The following LONP1 variants were observed in gnomAD, a reference collection of about 807,000 sequenced individuals.
The protein encoded by LONP1 is lon protease homolog, mitochondrial.
A neutral mutation model predicts 98.5 loss-of-function variants in LONP1; 31 were observed. The ratio of observed to expected loss-of-function variants is 0.31; its 90% CI spans 0.24 to 0.42. LONP1 has a LOEUF of 0.42. Ranked by LOEUF, LONP1 falls within the 20% of genes least tolerant of loss-of-function variation. The pLI is 1.00. For synonymous variants in LONP1, 781 were observed against 594.7 expected (o/e 1.31, Z -4.56); for missense variants, 1,336 against 1,350.6 (o/e 0.99, Z 0.17).
intron 9 of LONP1, among the ~76,000 whole-genome samples, chr19:5,700,313 A>G (rs912414020): frequency 1.3e-4 from 19 of 151,922 alleles, no homozygotes; most frequent in African/African-American, 4.4e-4. Flanking sequence ...GGGTTTCTCC[A>G]TGTTGGTCAG....
intron 7 of LONP1, among the ~76,000 whole-genome samples, chr19:5,706,705 G>A (rs1373545693): frequency 6.6e-6 from 1 of 152,112 alleles, no homozygotes; most frequent in African/African-American, 2.4e-5. Flanking sequence ...TCAATGGCTG[G>A]GTCTTAAGAA....
intron 2 of LONP1, among the ~76,000 whole-genome samples, chr19:5,713,953 C>A (rs1332958117): frequency 6.6e-6 from 1 of 152,194 alleles, no homozygotes; most frequent in Non-Finnish European, 1.5e-5. Flanking sequence ...CTAAGAGTCC[C>A]TGAAGTTAAT....
chr19:5,715,440 G>A (rs1449421131), intron 1 of LONP1, among the ~76,000 whole-genome samples: 1 of 149,892 alleles, frequency 6.7e-6, no homozygotes, highest in Non-Finnish European at 1.5e-5. Flanking sequence ...TCAGGAGATC[G>A]AGACCATCCT....
chr19:5,693,694 CTGCCATCCTTGTCACCCT>C lies in LONP1; in HGVS notation c.2378_2395del (p.Lys793_Gly798del), dbSNP rs1568310161. ...CCCCAGCTGGCCTGTCACCTCCAGG[CTGCCATCCTTGTCACCCT>C]TGGCATCCTTGTCCTGTGGCCGTCT... On this transcript the variant is annotated inframe_deletion, in exon 16 of 18. Coordinates refer to ENST00000360614, the MANE Select transcript of LONP1 (RefSeq NM_004793.4). The C allele has an allele frequency of 3.7e-6, 6 of 1,614,134 alleles. No homozygotes were observed. Among genetic ancestry groups the C allele is most frequent in the Non-Finnish European group, 4.2e-6 (5 of 1,179,996 alleles).
intron 8 of LONP1, among the ~76,000 whole-genome samples, chr19:5,703,838 C>G (rs2055100167): frequency 6.6e-6 from 1 of 152,080 alleles, no homozygotes; most frequent in Admixed American, 6.6e-5. Flanking sequence ...GAGGACAGAA[C>G]CCGCCTTACA....
chr19:5,714,394 C>A, intron 1 of LONP1, 123 bp from the exon 2 acceptor site: 1 of 665,808 alleles, frequency 1.5e-6, no homozygotes, highest in Non-Finnish European at 2.6e-6. Context: ...CCTCCACCCC[C>A]ACTGAGTTCA....
chr19:5,716,983 A>C (rs1056903779), intron 1 of LONP1, among the ~76,000 whole-genome samples: 1 of 152,048 alleles, frequency 6.6e-6, no homozygotes, highest in Non-Finnish European at 1.5e-5. Flanking sequence ...TTTAGTAGAG[A>C]CGGGGTTTCA....
Position 5,696,258 on chromosome 19 carries a change from G to A in LONP1, c.1887C>T (p.Asp629=), listed in dbSNP as rs1164412179. 1.9e-6 allele frequency: 3 copies of A among 1,613,324 alleles called. No homozygotes were observed. The highest frequency in any genetic ancestry group is 1.7e-6 in the Non-Finnish European group (2 of 1,179,870). The change falls in exon 12 of 18, where the codon GAC becomes GAT. Residue 629 remains aspartate (D), a synonymous_variant. Coordinates refer to ENST00000360614, the MANE Select transcript of LONP1 (RefSeq NM_004793.4). ...FLDHYLDVPV[D]LSKVLFICTA... is the part of the protein sequence containing the mutation. ...CAGACAGGCCCCCCACCTTGGACAA[G>A]TCCACGGGCACGTCCAGGTAGTGGT...
intron 1 of LONP1, among the ~76,000 whole-genome samples, chr19:5,716,650 A>G (rs2055329119): frequency 6.6e-6 from 1 of 151,666 alleles, no homozygotes; most frequent in Non-Finnish European, 1.5e-5. Flanking sequence ...TTGTTTAGAG[A>G]CAGAACGCTT....
intron 8 of LONP1, among the ~76,000 whole-genome samples, chr19:5,702,419 C>T (rs370427634): frequency 0.011 from 1,573 of 149,014 alleles, 16 homozygotes; most frequent in East Asian, 0.022. Flanking sequence ...TCTGCCCGGC[C>T]GCCCCTACTG....
chr19:5,709,154 A>C (rs2055196811), intron 4 of LONP1, among the ~76,000 whole-genome samples: 1 of 151,106 alleles, frequency 6.6e-6, no homozygotes, highest in Non-Finnish European at 1.5e-5. Context: ...AGCTGGGACC[A>C]CGGGCATAAG....
intron 4 of LONP1, among the ~76,000 whole-genome samples, chr19:5,711,435 G>A (rs2055235292): frequency 6.6e-6 from 1 of 152,234 alleles, no homozygotes; most frequent in South Asian, 2.1e-4. Context: ...CAGGCTTGGT[G>A]GGAAGAAGCC....
chr19:5,696,650 C>T lies in LONP1; in HGVS notation c.1773+20G>A, dbSNP rs1488883590. The T allele has an allele frequency of 2.6e-6, 4 of 1,561,056 alleles. No homozygotes were observed. Among genetic ancestry groups the T allele is most frequent in the East Asian group, 4.6e-5 (2 of 43,526 alleles). On this transcript the variant is annotated intron_variant, in intron 11 of 17. Coordinates refer to ENST00000360614, the MANE Select transcript of LONP1 (RefSeq NM_004793.4). ...ACGGCATTGCCGGGTTAGGGGGTCTCCGGGCCTCTCCGCACGCACCTCGTC... is the reference window on the plus strand; with the variant it reads ...ACGGCATTGCCGGGTTAGGGGGTCTTCGGGCCTCTCCGCACGCACCTCGTC...
chr19:5,703,718 G>A (rs2055098043), intron 8 of LONP1, among the ~76,000 whole-genome samples: 1 of 151,960 alleles, frequency 6.6e-6, no homozygotes, highest in Non-Finnish European at 1.5e-5. Flanking sequence ...CACAGGCAGT[G>A]ACACTTTGCG....
At chr19:5,717,627 A>T (rs1599484118) in intron 1 of LONP1, 1 of 152,272 alleles carries the variant, frequency 6.6e-6, no homozygotes, top group African/African-American at 2.4e-5. Context: ...CTGGGAGGGT[A>T]AAGAGAACTG....
chr19:5,698,063 TC>T (rs1198631664), intron 10 of LONP1, among the ~76,000 whole-genome samples: 1 of 113,722 alleles, frequency 8.8e-6, no homozygotes, highest in Non-Finnish European at 1.8e-5. Flanking sequence ...TCCCCTGTCC[TC>T]CCCCTCACAC....
At chr19:5,700,731 G>C (rs1234487923) in intron 9 of LONP1, 58 bp downstream of exon 9, 1 of 1,603,076 alleles carries the variant, frequency 6.2e-7, no homozygotes, top group Non-Finnish European at 8.5e-7. Context: ...CAGCACACAA[G>C]AGTCCTGGGC....
At position 5,719,840 on chromosome 19, in the gene LONP1, C is replaced by A. The variant is rs1225628709; in HGVS notation, c.293G>T (p.Gly98Val). Residue 98 changes from glycine to valine, a missense_variant, in exon 1 of 18, where the codon GGG becomes GTG. Gly to Val is a moderately radical substitution (Grantham distance 109). Transcript: ENST00000360614. Reference sequence around the variant, plus strand: ...GCCTTCCCCGGCGCCCGCGCTGCCCCCCGCGCCGCCGGCTCCTTCCTCCGC... The same window carrying A: ...GCCTTCCCCGGCGCCCGCGCTGCCCACCGCGCCGCCGGCTCCTTCCTCCGC... ...GGAEEGAGGA[G>V]GSAGAGEGPV... 1 of 1,607,904 alleles carries A rather than the reference C, an allele frequency of 6.2e-7. No homozygotes were observed. The highest frequency in any genetic ancestry group is 8.5e-7 in the Non-Finnish European group (1 of 1,177,872).
At chr19:5,710,133 G>GA (rs899374146) in intron 4 of LONP1, among the ~76,000 whole-genome samples, 4 of 150,662 alleles carry the variant, frequency 2.7e-5, no homozygotes, top group Non-Finnish European at 5.9e-5. Flanking sequence ...GCCCAGGCTG[G>GA]AATGCAATAG....
Sources: gnomAD v4.1 joint callset for allele counts (sites outside exome capture counted in the v4.1 genomes callset) on GRCh38, gnomAD v4.1.1 for gene constraint, MANE v1.5 for transcripts, NCBI Gene and HGNC (gene_info 2026-07-23, HGNC 2026-07-21) for gene names.